CERKL: variants seen among roughly 807,000 people sequenced by gnomAD.
CERKL encodes the protein ceramide kinase-like protein.
In CERKL, 61 loss-of-function variants were observed where a neutral mutation model predicts 63.4. That is an observed-to-expected ratio of 0.96 (90% confidence interval 0.78 to 1.19). CERKL has a LOEUF of 1.19. Among genes scored for constraint, CERKL ranks in the 50% most tolerant of loss-of-function variants. The probability of loss-of-function intolerance (pLI) is 0.00; values close to 1 mark genes in which losing one functional copy is unlikely to be tolerated. For missense variants in CERKL, 675 were observed against 655.5 expected (o/e 1.03, Z -0.33); for synonymous variants, 250 against 230.5 (o/e 1.08, Z -0.77).
At chr2:181,595,660 G>A (rs1321113574) in intron 2 of CERKL, among the ~76,000 whole-genome samples, 1 of 152,084 alleles carries the variant, frequency 6.6e-6, no homozygotes, top group Non-Finnish European at 1.5e-5. Flanking sequence ...TCTACCGGTT[G>A]TTTAACCTTG....
At chr2:181,604,552 C>A (rs1314073869) in intron 1 of CERKL, among the ~76,000 whole-genome samples, 2 of 152,118 alleles carry the variant, frequency 1.3e-5, no homozygotes. Flanking sequence ...CATTCGACAT[C>A]TGAGGATAGT....
In CERKL at chr2:181,656,949, C is replaced by G. The variant is rs1688202348; in HGVS notation, c.58G>C (p.Glu20Gln). 6.3e-7 allele frequency: 1 copy of G among 1,586,236 alleles called. No individual in the cohort carries two copies. Among genetic ancestry groups the G allele is most frequent in the Non-Finnish European group, 8.6e-7 (1 of 1,165,950 alleles). ...ACAGCGGCAGCCTCCGGGGGCGCCTCTTCCTCCCGGCCGCCCTCCAGGGCA... is the reference window on the plus strand; with the variant it reads ...ACAGCGGCAGCCTCCGGGGGCGCCTGTTCCTCCCGGCCGCCCTCCAGGGCA... ...VSALEGGREE[E>Q]APPEAAAVPP... The change falls in exon 1 of 13, where the codon GAG becomes CAG. Residue 20 changes from glutamate to glutamine, a missense_variant. Physicochemically the swap from Glu to Gln is conservative, Grantham distance 29. Coordinates refer to ENST00000410087, the MANE Select transcript of CERKL (RefSeq NM_201548.5).
chr2:181,604,166 G>A, intron 1 of CERKL, 87 bp from the exon 2 acceptor site: 6 of 1,076,616 alleles, frequency 5.6e-6, no homozygotes, highest in Non-Finnish European at 8.2e-6. Flanking sequence ...AGGGTAGAAA[G>A]TGAGCAAAGG....
At chr2:181,629,137 T>G (rs879684593) in intron 1 of CERKL, among the ~76,000 whole-genome samples, 3 of 152,218 alleles carry the variant, frequency 2.0e-5, no homozygotes, top group Admixed American at 2.0e-4. Context: ...TCAATAATCC[T>G]GAAAATTATC....
rs1687154471 is a variant in CERKL, at chr2:181,537,009, G to GTGAGGAATGTTCT, written c.*1162_*1174dup. ...ATCTGTTCACAGGCCTGCAGTGATG[G>GTGAGGAATGTTCT]TGAGGAATGTTCTGAGATTTGCGAA... On this transcript the variant is annotated 3_prime_UTR_variant, in exon 13 of 13. Transcript: ENST00000410087. 2.2e-6 allele frequency: 1 copy of GTGAGGAATGTTCT among 447,878 alleles called. No individual in the cohort carries two copies. The highest frequency in any genetic ancestry group is 2.4e-5 in the Admixed American group (1 of 41,758). 27.7% of individuals were successfully genotyped at this position (447,878 alleles called of 1,614,324 possible). A position where few individuals can be genotyped will look rare whatever the true frequency, so the allele number is the denominator to read the frequency against.
At position 181,537,735 on chromosome 2, in the gene CERKL, ATTGTAAAAAAAAGAAT is replaced by A. The variant is rs1169684810; in HGVS notation, c.*433_*448del. 1 of 441,138 alleles carries A rather than the reference ATTGTAAAAAAAAGAAT, an allele frequency of 2.3e-6. No individual in the cohort carries two copies. The highest frequency in any genetic ancestry group is 1.6e-5 in the South Asian group (1 of 61,988). The allele number at this position is 441,138 out of a possible 1,614,324, so 27.3% of individuals were successfully genotyped here. A position where few individuals can be genotyped will look rare whatever the true frequency, so the allele number is the denominator to read the frequency against. On this transcript the variant is annotated 3_prime_UTR_variant, in exon 13 of 13. Transcript: ENST00000410087. ...GTTTTTTTGTGTGTCCAATAAACACATTGTAAAAAAAAGAATTTGAATTGATATCTAAAAACAGAAT... is the reference window on the plus strand; with the variant it reads ...GTTTTTTTGTGTGTCCAATAAACACATTGAATTGATATCTAAAAACAGAAT...
intron 1 of CERKL, among the ~76,000 whole-genome samples, chr2:181,642,591 G>C (rs1687491052): frequency 6.6e-6 from 1 of 152,040 alleles, no homozygotes. Flanking sequence ...AGATTTTCTA[G>C]TCACTGCTCT....
chr2:181,545,044 T>C (rs1239085386), intron 10 of CERKL, among the ~76,000 whole-genome samples: 1 of 152,146 alleles, frequency 6.6e-6, no homozygotes, highest in Non-Finnish European at 1.5e-5. Context: ...CATTAGAGCA[T>C]TTTACAAAGC....
intron 11 of CERKL, among the ~76,000 whole-genome samples, chr2:181,542,263 C>T (rs537866054): frequency 1.3e-5 from 2 of 152,298 alleles, no homozygotes; most frequent in South Asian, 4.1e-4. Flanking sequence ...ACAGGAGCCA[C>T]TCCGCACATG....
intron 3 of CERKL, among the ~76,000 whole-genome samples, chr2:181,570,698 A>G (rs1195691774): frequency 6.6e-6 from 1 of 152,210 alleles, no homozygotes; most frequent in Admixed American, 6.5e-5. Context: ...ATTTCAGCAC[A>G]ACCCAAAATG....
chr2:181,631,639 G>T (rs1686962670), intron 1 of CERKL, among the ~76,000 whole-genome samples: 1 of 152,106 alleles, frequency 6.6e-6, no homozygotes, highest in Non-Finnish European at 1.5e-5. Flanking sequence ...TTGAAGGGAG[G>T]GCTTGAGGAA....
rs548626062 is a variant in CERKL at position 181,609,477 on chromosome 2, C to T, written c.239-5398G>A. On this transcript the variant is annotated intron_variant, in intron 1 of 12. Coordinates refer to ENST00000410087, the MANE Select transcript of CERKL (RefSeq NM_201548.5). ...TTGGGAGGCCGAGAAGGGCAGATCA[C>T]CTGAGATCAGAAGTTCGAGACCAGC... 3.3e-3 allele frequency among the ~76,000 whole-genome samples: 471 copies of T among 143,578 alleles called. 4 individuals carry two copies. Among genetic ancestry groups the T allele is most frequent in the African/African-American group, 0.012 (446 of 38,216 alleles). The allele number at this position is 143,578 out of a possible 152,430, so 94.2% of individuals were successfully genotyped here. A position where few individuals can be genotyped will look rare whatever the true frequency, so the allele number is the denominator to read the frequency against.
At chr2:181,604,941 A>G (rs1368093458) in intron 1 of CERKL, among the ~76,000 whole-genome samples, 2 of 152,216 alleles carry the variant, frequency 1.3e-5, no homozygotes, top group African/African-American at 4.8e-5. Context: ...GGAAAAGACC[A>G]TTTCAATTGA....
chr2:181,639,288 G>A (rs1687319696), intron 1 of CERKL, among the ~76,000 whole-genome samples: 1 of 152,110 alleles, frequency 6.6e-6, no homozygotes, highest in African/African-American at 2.4e-5. Context: ...GTAGAGTATA[G>A]ATGAAATAAG....
Position 181,539,133 on chromosome 2 carries a change from T to C in CERKL, c.1497A>G (p.Val499=). The C allele has an allele frequency of 6.2e-7, 1 of 1,608,704 alleles. No individual in the cohort carries two copies. Among genetic ancestry groups the C allele is most frequent in the Non-Finnish European group, 8.5e-7 (1 of 1,175,240 alleles). Residue 499 remains valine (V), a synonymous_variant, in exon 12 of 13, where the codon GTA becomes GTG. Transcript: ENST00000410087. ...ATGCAACTTCCATTAAGTCACCATCTACATTCCAAGGGAAACAATTTTCTG... is the reference window on the plus strand; with the variant it reads ...ATGCAACTTCCATTAAGTCACCATCCACATTCCAAGGGAAACAATTTTCTG... ...TASENCFPWN[V]DGDLMEVASE...
chr2:181,554,415 AAATT>A (rs1458296243), intron 5 of CERKL, among the ~76,000 whole-genome samples: 13 of 152,146 alleles, frequency 8.5e-5, no homozygotes, highest in African/African-American at 2.9e-4. Context: ...TATTCTCCTC[AAATT>A]AATTGGAAAG....
chr2:181,547,600 A>C lies in CERKL; in HGVS notation c.1268+18T>G. 2 of 1,604,190 alleles carry C rather than the reference A, an allele frequency of 1.2e-6. No individual in the cohort carries two copies. The highest frequency in any genetic ancestry group is 1.7e-6 in the Non-Finnish European group (2 of 1,171,074). On this transcript the variant is annotated intron_variant, in intron 10 of 12. Transcript: ENST00000410087. The stretch of plus-strand genomic sequence containing the variant: ...CTATAAGAAATGTATCAACAATTCA[A>C]TAAAAATGCTTACTAACCTGGTATT...
chr2:181,556,955 A>G (rs1412606462), intron 5 of CERKL, among the ~76,000 whole-genome samples: 1 of 152,188 alleles, frequency 6.6e-6, no homozygotes, highest in Non-Finnish European at 1.5e-5. Flanking sequence ...GTGAGATGAT[A>G]TCTCATTGTG....
At chr2:181,585,491 A>C (rs1684722175) in intron 2 of CERKL, among the ~76,000 whole-genome samples, 1 of 152,176 alleles carries the variant, frequency 6.6e-6, no homozygotes, top group Non-Finnish European at 1.5e-5. Flanking sequence ...AATTCCTAAA[A>C]TAAGACAAAA....
Sources: gnomAD v4.1 joint callset for allele counts (sites outside exome capture counted in the v4.1 genomes callset) on GRCh38, gnomAD v4.1.1 for gene constraint, MANE v1.5 for transcripts, NCBI Gene and HGNC (gene_info 2026-07-23, HGNC 2026-07-21) for gene names.